Variants in WFDC1 observed in about 807,000 individuals in gnomAD.
WFDC1 encodes the protein WAP four-disulfide core domain 1.
In WFDC1, 39 loss-of-function variants were observed where a neutral mutation model predicts 32.9. The ratio of observed to expected loss-of-function variants is 1.19; its 90% confidence interval spans 0.92 to 1.55. WFDC1 has a LOEUF of 1.55. WFDC1 is among the 40% of genes most tolerant of loss of function. The pLI, the probability that WFDC1 is intolerant of heterozygous loss-of-function variation, is 0.00. For synonymous variants in WFDC1, 184 were observed against 137.4 expected (o/e 1.34, Z -2.37); for missense variants, 386 against 309.5 (o/e 1.25, Z -1.85).
chr16:84,324,798 A>T (rs1339069868), intron 5 of WFDC1, among the ~76,000 whole-genome samples: 1 of 152,096 alleles, frequency 6.6e-6, no homozygotes, highest in Non-Finnish European at 1.5e-5. Context: ...CCATCTCTCC[A>T]TCTATTATTT....
At chr16:84,296,644 G>A (rs972799084) in intron 1 of WFDC1, among the ~76,000 whole-genome samples, 8 of 152,166 alleles carry the variant, frequency 5.3e-5, no homozygotes, top group Non-Finnish European at 7.3e-5. Context: ...GCACATGCTC[G>A]TGGCGGGAGA....
At chr16:84,315,151 G>A (rs1907874025) in intron 2 of WFDC1, among the ~76,000 whole-genome samples, 1 of 152,174 alleles carries the variant, frequency 6.6e-6, no homozygotes, top group Non-Finnish European at 1.5e-5. Context: ...ACCCACGTGT[G>A]GGGTCCTTCA....
At chr16:84,326,140 CCCATCTAT>C (rs1908587342) in intron 5 of WFDC1, 3 of 150,332 alleles carry the variant, frequency 2.0e-5, no homozygotes, top group Non-Finnish European at 4.4e-5. Flanking sequence ...CATTCATCTA[CCCATCTAT>C]CCATCTATCC....
At chr16:84,308,499 C>T (rs573714189) in intron 1 of WFDC1, among the ~76,000 whole-genome samples, 8 of 152,330 alleles carry the variant, frequency 5.3e-5, no homozygotes, top group Admixed American at 6.5e-5. Flanking sequence ...GAAAGCTGCC[C>T]TCAGAAGGCT....
chr16:84,295,199 TCTC>T, intron 1 of WFDC1, 84 bp downstream of exon 1: 1 of 1,539,172 alleles, frequency 6.5e-7, no homozygotes, highest in African/African-American at 1.4e-5. Flanking sequence ...GACACTGCCT[TCTC>T]CTGTAAGTGC....
chr16:84,305,173 T>C (rs980820416), intron 1 of WFDC1, among the ~76,000 whole-genome samples: 4 of 152,232 alleles, frequency 2.6e-5, no homozygotes, highest in South Asian at 4.1e-4. Flanking sequence ...CAGCACAGCA[T>C]TGGCACACAG....
chr16:84,298,108 A>T (rs551185364), intron 1 of WFDC1, among the ~76,000 whole-genome samples: 1 of 152,278 alleles, frequency 6.6e-6, no homozygotes, highest in African/African-American at 2.4e-5. Context: ...ACTTACAGTT[A>T]AATCATTTGT....
intron 2 of WFDC1, chr16:84,317,325 TAAATAAATAA>T (rs1908017850): frequency 8.1e-6 from 1 of 124,052 alleles, no homozygotes; most frequent in African/African-American, 3.2e-5. Context: ...AATAAATAAA[TAAATAAATAA>T]ATAAGAAGTA....
At chr16:84,308,083 G>T (rs913369405) in intron 1 of WFDC1, among the ~76,000 whole-genome samples, 1 of 152,184 alleles carries the variant, frequency 6.6e-6, no homozygotes, top group African/African-American at 2.4e-5. Flanking sequence ...GTTTACAAGA[G>T]TAAAAAGAAG....
rs948927408 is a variant in WFDC1 at position 84,329,614 on chromosome 16, C to G, written c.*308C>G. ...ACCCATGAAAGCATTTCTGAAGCCC[C>G]TTTCTAAGACAAGGCTCAGCATCTT... On this transcript the variant is annotated 3_prime_UTR_variant, in exon 7 of 7. Coordinates refer to ENST00000219454, the MANE Select transcript of WFDC1 (RefSeq NM_021197.4). 1.3e-5 allele frequency: 2 copies of G among 152,178 alleles called. No individual in the cohort carries two copies. Among genetic ancestry groups the G allele is most frequent in the Non-Finnish European group, 2.9e-5 (2 of 68,046 alleles). The allele number at this position is 152,178 out of a possible 1,614,324, so 9.4% of individuals were successfully genotyped here.
chr16:84,299,046 G>T (rs974010086), intron 1 of WFDC1, among the ~76,000 whole-genome samples: 10 of 152,122 alleles, frequency 6.6e-5, no homozygotes, highest in Non-Finnish European at 5.9e-5. Context: ...GTGCACTACG[G>T]ACAGATTTAA....
chr16:84,324,361 A>C lies in WFDC1; in HGVS notation c.563-58A>C. Reference sequence around the variant, plus strand: ...AGTAATTCCTCAGTGTTATTATGACAACAGTTTTGGCCTTCTAAACTCCTA... The same window carrying C: ...AGTAATTCCTCAGTGTTATTATGACCACAGTTTTGGCCTTCTAAACTCCTA... On this transcript the variant is annotated intron_variant, in intron 4 of 6. Transcript: ENST00000219454. 4.7e-6 allele frequency: 7 copies of C among 1,501,384 alleles called. No homozygotes were observed. The South Asian group carries it at 8.0e-5, about 17-fold the overall frequency. 93.0% of individuals were successfully genotyped at this position (1,501,384 alleles called of 1,614,324 possible). A position where few individuals can be genotyped will look rare whatever the true frequency, so the allele number is the denominator to read the frequency against.
At chr16:84,321,523 G>A (rs763787442) in intron 4 of WFDC1, among the ~76,000 whole-genome samples, 3 of 152,160 alleles carry the variant, frequency 2.0e-5, no homozygotes, top group Admixed American at 1.3e-4. Context: ...GAATGCCTTG[G>A]GCACTTGTCT....
At chr16:84,316,120 G>A (rs1376716495) in intron 2 of WFDC1, 1 of 152,220 alleles carries the variant, frequency 6.6e-6, no homozygotes, top group East Asian at 1.9e-4. Context: ...CACGTGGTCT[G>A]ATGTGGTGGT....
intron 1 of WFDC1, among the ~76,000 whole-genome samples, chr16:84,299,746 C>T (rs919713026): frequency 2.6e-5 from 4 of 152,232 alleles, no homozygotes; most frequent in African/African-American, 9.6e-5. Flanking sequence ...GTTTTCCCCT[C>T]TAAGCACCCC....
chr16:84,313,542 G>A (rs1162579123), intron 2 of WFDC1, among the ~76,000 whole-genome samples: 1 of 152,170 alleles, frequency 6.6e-6, no homozygotes, highest in East Asian at 1.9e-4. Flanking sequence ...ATCAAGATTC[G>A]AGGCTTTTCT....
At chr16:84,302,243 A>G (rs1382503951) in intron 1 of WFDC1, among the ~76,000 whole-genome samples, 1 of 152,032 alleles carries the variant, frequency 6.6e-6, no homozygotes, top group Non-Finnish European at 1.5e-5. Flanking sequence ...ATGAGAACAG[A>G]GGTTCTGCCT....
At chr16:84,324,537 A>C in intron 5 of WFDC1, 77 bp downstream of exon 5, 1 of 1,519,382 alleles carries the variant, frequency 6.6e-7, no homozygotes, top group South Asian at 1.2e-5. Context: ...GAAGAAAAAA[A>C]TAAAAGCCCA....
chr16:84,310,078 G>T (rs1240027402), intron 1 of WFDC1, among the ~76,000 whole-genome samples: 1 of 152,138 alleles, frequency 6.6e-6, no homozygotes, highest in African/African-American at 2.4e-5. Context: ...CCAACTGTAT[G>T]TGCAGGAGGA....
Sources: allele counts gnomAD v4.1 joint callset (sites outside exome capture counted in the v4.1 genomes callset), GRCh38; gene constraint gnomAD v4.1.1; transcripts MANE v1.5; gene names NCBI Gene and HGNC (gene_info 2026-07-23, HGNC 2026-07-21).